Variants in PDE4D observed in about 807,000 individuals in gnomAD.
PDE4D encodes 3',5'-cyclic-AMP phosphodiesterase 4D.
In PDE4D, 24 loss-of-function variants were observed where a neutral mutation model predicts 87.4. The ratio of observed to expected loss-of-function variants is 0.27; its 90% CI spans 0.20 to 0.39. The LOEUF (loss-of-function observed/expected upper bound fraction) is 0.39, where lower values mean the gene tolerates loss of function less well. PDE4D is among the 10% of genes least tolerant of loss of function. The pLI, the probability that PDE4D is intolerant of heterozygous loss-of-function variation, is 1.00. For missense variants in PDE4D, 714 were observed against 1,041.0 expected (o/e 0.69, Z 4.32); for synonymous variants, 384 against 383.2 (o/e 1.00, Z -0.02).
intron 1 of PDE4D, among the ~76,000 whole-genome samples, chr5:59,784,519 T>C (rs7731797): frequency 1.3e-5 from 2 of 152,206 alleles, no homozygotes; most frequent in African/African-American, 2.4e-5. Context: ...GCATTACCTT[T>C]TGTATTTGTT....
chr5:59,843,303 T>C lies in PDE4D; in HGVS notation c.455+49865A>G, dbSNP rs189840234. 3.9e-5 allele frequency among the ~76,000 whole-genome samples: 6 copies of C among 152,140 alleles called. No individual in the cohort carries two copies. In the East Asian group the frequency reaches 1.2e-3, roughly 30 times the overall value. ...ATATGGTCTGTTCAGTGGCCAACTC[T>C]GACATTTTCTAGTGCACTTGCTTTT... On this transcript the variant is annotated intron_variant, in intron 1 of 14. Coordinates refer to ENST00000340635, the MANE Select transcript of PDE4D (RefSeq NM_001104631.2).
intron 3 of PDE4D, among the ~76,000 whole-genome samples, chr5:59,947,411 C>CG (rs1210343601): frequency 6.6e-6 from 1 of 151,926 alleles, no homozygotes; most frequent in African/African-American, 2.4e-5. Flanking sequence ...GTGGGCGGCC[C>CG]GGGGGAGGTA....
At chr5:59,257,238 G>C (rs964768831) in intron 1 of PDE4D, among the ~76,000 whole-genome samples, 1 of 152,004 alleles carries the variant, frequency 6.6e-6, no homozygotes, top group African/African-American at 2.4e-5. Flanking sequence ...TGTGTGATGG[G>C]TTTCAGTTCA....
intron 1 of PDE4D, among the ~76,000 whole-genome samples, chr5:60,225,859 A>G (rs893846056): frequency 6.6e-6 from 1 of 152,250 alleles, no homozygotes; most frequent in Admixed American, 6.5e-5. Context: ...AGAATGATTA[A>G]GCAACTTGGA....
chr5:59,585,404 A>G (rs575512324), intron 1 of PDE4D, among the ~76,000 whole-genome samples: 1 of 152,334 alleles, frequency 6.6e-6, no homozygotes, highest in South Asian at 2.1e-4. Flanking sequence ...TCCAGAGTCC[A>G]GCCAGAACAT....
chr5:59,964,620 A>G (rs1217443640), intron 3 of PDE4D, among the ~76,000 whole-genome samples: 1 of 151,970 alleles, frequency 6.6e-6, no homozygotes, highest in African/African-American at 2.4e-5. Context: ...ATCTCTCAAA[A>G]TCTGATCATT....
intron 1 of PDE4D, among the ~76,000 whole-genome samples, chr5:60,274,336 TGTC>T (rs1751136787): frequency 3.6e-5 from 3 of 82,462 alleles, no homozygotes; most frequent in African/African-American, 9.6e-5. Flanking sequence ...GTTTGGTTCT[TGTC>T]GTTGTTGTTG....
At chr5:59,973,869 G>T (rs1761039960) in intron 3 of PDE4D, among the ~76,000 whole-genome samples, 1 of 152,016 alleles carries the variant, frequency 6.6e-6, no homozygotes. Context: ...CCCAGACAAG[G>T]TCACCAAAGA....
rs1214922091 is a variant in PDE4D, at chr5:58,973,432, A to G, written c.*1232T>C. The G allele has an allele frequency of 6.7e-6, 1 of 148,692 alleles. No homozygotes were observed. The highest frequency in any genetic ancestry group is 2.4e-5 in the African/African-American group (1 of 41,218). 9.2% of individuals were successfully genotyped at this position (148,692 alleles called of 1,614,324 possible). A position where few individuals can be genotyped will look rare whatever the true frequency, so the allele number is the denominator to read the frequency against. ...TCTTACTATAACTGGCTGTAAAAACAATAAAAATGAGCATGAAATGTGTGG... is the reference window on the plus strand; with the variant it reads ...TCTTACTATAACTGGCTGTAAAAACGATAAAAATGAGCATGAAATGTGTGG... On this transcript the variant is annotated 3_prime_UTR_variant, in exon 15 of 15. Transcript: ENST00000340635.
At chr5:59,767,727 T>C (rs1028876744) in intron 1 of PDE4D, among the ~76,000 whole-genome samples, 3 of 152,174 alleles carry the variant, frequency 2.0e-5, no homozygotes, top group Non-Finnish European at 4.4e-5. Flanking sequence ...TGTTTAAGAT[T>C]ATGAATACTG....
chr5:59,848,427 T>A (rs1744180542), intron 1 of PDE4D, among the ~76,000 whole-genome samples: 1 of 152,082 alleles, frequency 6.6e-6, no homozygotes, highest in African/African-American at 2.4e-5. Context: ...CAATATTTAG[T>A]TAAAATATAC....
At chr5:59,562,441 A>G (rs1820189446) in intron 1 of PDE4D, among the ~76,000 whole-genome samples, 1 of 152,222 alleles carries the variant, frequency 6.6e-6, no homozygotes, top group Non-Finnish European at 1.5e-5. Flanking sequence ...GCCCTAGCCA[A>G]TCTTTTGAGA....
chr5:59,788,941 T>A (rs1475455310), intron 1 of PDE4D, among the ~76,000 whole-genome samples: 1 of 152,162 alleles, frequency 6.6e-6, no homozygotes, highest in Admixed American at 6.5e-5. Flanking sequence ...TAAAAAATAC[T>A]CAATAATGCA....
intron 1 of PDE4D, among the ~76,000 whole-genome samples, chr5:60,502,852 T>C (rs1008807019): frequency 2.0e-5 from 3 of 152,202 alleles, no homozygotes; most frequent in Non-Finnish European, 4.4e-5. Context: ...CAGTTCTAGA[T>C]TTAATATCAG....
chr5:59,171,979 TA>T (rs1782883171), intron 5 of PDE4D, among the ~76,000 whole-genome samples: 1 of 84,746 alleles, frequency 1.2e-5, no homozygotes, highest in African/African-American at 5.5e-5. Context: ...TATATTTATA[TA>T]ATAAATATAT....
intron 5 of PDE4D, among the ~76,000 whole-genome samples, chr5:59,112,566 T>A (rs1772849478): frequency 6.6e-6 from 1 of 152,128 alleles, no homozygotes. Flanking sequence ...GCTCTGGGTA[T>A]ATTTTGAGAG....
At chr5:58,992,209 C>T (rs1429477767) in intron 7 of PDE4D, among the ~76,000 whole-genome samples, 2 of 152,020 alleles carry the variant, frequency 1.3e-5, no homozygotes, top group African/African-American at 4.8e-5. Context: ...AAATAAGTTC[C>T]ATTACAAAAT....
At chr5:60,047,891 C>T (rs549571391) in intron 2 of PDE4D, among the ~76,000 whole-genome samples, 1 of 152,016 alleles carries the variant, frequency 6.6e-6, no homozygotes, top group African/African-American at 2.4e-5. Context: ...CTGCTTGGTG[C>T]AGAGCTGAGT....
intron 5 of PDE4D, among the ~76,000 whole-genome samples, chr5:59,067,816 T>G (rs1399281579): frequency 2.0e-5 from 3 of 152,188 alleles, no homozygotes; most frequent in Admixed American, 1.3e-4. Flanking sequence ...TGAGTTTTCA[T>G]TTAAAAGAAA....
Sources: allele counts gnomAD v4.1 joint callset (sites outside exome capture counted in the v4.1 genomes callset), GRCh38; gene constraint gnomAD v4.1.1; transcripts MANE v1.5; gene names NCBI Gene and HGNC (gene_info 2026-07-23, HGNC 2026-07-21).